Variants in MTREX observed in about 807,000 individuals in gnomAD.
MTREX encodes the protein Mtr4 exosome RNA helicase, also known as exosome RNA helicase MTR4.
Under a neutral mutation model 135.4 loss-of-function variants are expected in MTREX, and 76 were observed. The ratio of observed to expected loss-of-function variants is 0.56; its 90% CI spans 0.47 to 0.68. The LOEUF is 0.68. MTREX is among the 30% of genes least tolerant of loss of function. The pLI, the probability that MTREX is intolerant of heterozygous loss-of-function variation, is 0.00. For synonymous variants in MTREX, 404 were observed against 401.6 expected (o/e 1.01, Z -0.07); for missense variants, 920 against 1,262.1 (o/e 0.73, Z 4.11).
At chr5:55,420,099 A>G (rs1380257126) in intron 25 of MTREX, among the ~76,000 whole-genome samples, 1 of 152,238 alleles carries the variant, frequency 6.6e-6, no homozygotes, top group African/African-American at 2.4e-5. Flanking sequence ...ATCAGGCACC[A>G]TGCTAGTTAC....
chr5:55,373,678 A>T (rs1428527250), intron 16 of MTREX, among the ~76,000 whole-genome samples: 8 of 152,148 alleles, frequency 5.3e-5, no homozygotes, highest in African/African-American at 1.9e-4. Context: ...TCAATTTGTT[A>T]AATTTTTTGG....
intron 4 of MTREX, among the ~76,000 whole-genome samples, chr5:55,328,260 G>C (rs1465402956): frequency 4.6e-5 from 7 of 152,154 alleles, no homozygotes; most frequent in African/African-American, 7.2e-5. Flanking sequence ...TCTAATAGAT[G>C]TAATATTCTG....
intron 5 of MTREX, among the ~76,000 whole-genome samples, chr5:55,335,754 A>C (rs527527743): frequency 3.3e-5 from 5 of 152,068 alleles, no homozygotes; most frequent in Non-Finnish European, 7.4e-5. Context: ...TTGTATTTCC[A>C]ATAGTATTTT....
intron 15 of MTREX, among the ~76,000 whole-genome samples, chr5:55,360,108 C>T (rs1159478597): frequency 6.6e-6 from 1 of 152,124 alleles, no homozygotes; most frequent in Non-Finnish European, 1.5e-5. Context: ...ACAAGACCAC[C>T]CCTACCTCAA....
chr5:55,385,418 A>T (rs1226855136), intron 18 of MTREX, among the ~76,000 whole-genome samples: 1 of 152,166 alleles, frequency 6.6e-6, no homozygotes, highest in Non-Finnish European at 1.5e-5. Flanking sequence ...ACTTAGCAGC[A>T]GCAACAGGTA....
intron 8 of MTREX, among the ~76,000 whole-genome samples, chr5:55,343,721 A>G (rs773323014): frequency 6.6e-6 from 1 of 152,186 alleles, no homozygotes; most frequent in Non-Finnish European, 1.5e-5. Context: ...AAATTCCCCA[A>G]GTTGATCTGA....
At chr5:55,336,799 C>T (rs1468321048) in intron 5 of MTREX, among the ~76,000 whole-genome samples, 1 of 152,172 alleles carries the variant, frequency 6.6e-6, no homozygotes, top group Non-Finnish European at 1.5e-5. Context: ...ATTTTCAATC[C>T]TCAGAACCTG....
intron 5 of MTREX, among the ~76,000 whole-genome samples, chr5:55,335,191 G>T (rs1165316206): frequency 6.6e-6 from 1 of 151,998 alleles, no homozygotes; most frequent in Non-Finnish European, 1.5e-5. Context: ...TAATTGCGTT[G>T]TAAGAAGTCT....
chr5:55,331,051 C>T (rs1188608673), intron 5 of MTREX, among the ~76,000 whole-genome samples: 1 of 151,766 alleles, frequency 6.6e-6, no homozygotes, highest in Non-Finnish European at 1.5e-5. Flanking sequence ...TCAGTGTTTT[C>T]CGTATTTTTA....
At chr5:55,365,862 G>T (rs2897819) in intron 15 of MTREX, among the ~76,000 whole-genome samples, 1 of 151,860 alleles carries the variant, frequency 6.6e-6, no homozygotes, top group African/African-American at 2.4e-5. Context: ...CTGGTGGCAC[G>T]CTCCTGTAGT....
At chr5:55,397,081 T>C (rs568663441) in intron 19 of MTREX, among the ~76,000 whole-genome samples, 24 of 152,242 alleles carry the variant, frequency 1.6e-4, no homozygotes, top group Admixed American at 3.3e-4. Flanking sequence ...CTTAGTACTA[T>C]AGTACCTTTA....
chr5:55,348,340 T>C (rs1749772807), intron 11 of MTREX, among the ~76,000 whole-genome samples: 1 of 152,160 alleles, frequency 6.6e-6, no homozygotes, highest in Admixed American at 6.5e-5. Flanking sequence ...ATGAGGACCC[T>C]GTCTCTTAAA....
chr5:55,339,441 A>T (rs979822524), intron 5 of MTREX, among the ~76,000 whole-genome samples: 1 of 152,210 alleles, frequency 6.6e-6, no homozygotes, highest in African/African-American at 2.4e-5. Context: ...GATCTACTAC[A>T]ATGTTAAGTT....
At chr5:55,334,945 A>G (rs560318520) in intron 5 of MTREX, among the ~76,000 whole-genome samples, 11 of 152,174 alleles carry the variant, frequency 7.2e-5, no homozygotes, top group Middle Eastern at 6.8e-3. Context: ...ATGTGGCTGT[A>G]CCATTTTATA....
chr5:55,360,109 C>T (rs1412319577), intron 15 of MTREX, among the ~76,000 whole-genome samples: 1 of 152,096 alleles, frequency 6.6e-6, no homozygotes, highest in African/African-American at 2.4e-5. Flanking sequence ...CAAGACCACC[C>T]CTACCTCAAG....
chr5:55,332,871 A>G (rs946759114), intron 5 of MTREX, among the ~76,000 whole-genome samples: 2 of 152,174 alleles, frequency 1.3e-5, no homozygotes, highest in Non-Finnish European at 2.9e-5. Flanking sequence ...TTTTTTCCTT[A>G]ACAGGTTATC....
rs1399664828 is a variant in MTREX, at chr5:55,424,494, C to T, written c.3077-226C>T. 10 of 453,198 alleles carry T rather than the reference C, an allele frequency of 2.2e-5. No individual in the cohort carries two copies. The East Asian group carries it at 3.2e-4, about 14-fold the overall frequency. The allele number at this position is 453,198 out of a possible 1,614,324, so 28.1% of individuals were successfully genotyped here. ...CTAGACACCTCTTTCCTGGCCAGCC[C>T]CCATGGAGTATTTCAGAGTCAAAAG... On this transcript the variant is annotated intron_variant, in intron 26 of 26. Transcript: ENST00000230640.
At chr5:55,337,446 A>C (rs992718167) in intron 5 of MTREX, among the ~76,000 whole-genome samples, 6 of 152,160 alleles carry the variant, frequency 3.9e-5, no homozygotes, top group African/African-American at 1.4e-4. Context: ...TGCCTGGCGT[A>C]GAAATTTCCT....
At chr5:55,325,534 G>C (rs938264151) in intron 3 of MTREX, among the ~76,000 whole-genome samples, 4 of 150,280 alleles carry the variant, frequency 2.7e-5, no homozygotes, top group African/African-American at 7.4e-5. Flanking sequence ...ATTTTTAGTA[G>C]AGACTGGGTT....
Sources: allele counts gnomAD v4.1 joint callset (sites outside exome capture counted in the v4.1 genomes callset), GRCh38; gene constraint gnomAD v4.1.1; transcripts MANE v1.5; gene names NCBI Gene and HGNC (gene_info 2026-07-23, HGNC 2026-07-21).